NOS1: variants seen among roughly 807,000 people sequenced by gnomAD.
NOS1 encodes NOS type I.
A neutral mutation model predicts 164.5 loss-of-function variants in NOS1; 51 were observed. The ratio of observed to expected loss-of-function variants is 0.31; its 90% CI spans 0.25 to 0.39. The LOEUF is 0.39. Ranked by LOEUF, NOS1 falls within the 10% of genes least tolerant of loss-of-function variation. The probability of loss-of-function intolerance (pLI) is 1.00; values close to 1 mark genes in which losing one functional copy is unlikely to be tolerated. For synonymous variants in NOS1, 719 were observed against 745.8 expected, an observed-to-expected ratio of 0.96 and a Z score of 0.59; for missense variants, 1,362 against 1,885.6, an observed-to-expected ratio of 0.72 and a Z score of 5.14.
At position 117,304,125 on chromosome 12, in the gene NOS1, T is replaced by A. The variant is rs143425127; in HGVS notation, c.852+7341A>T. ...AGGTGGAGCTTGCAGTGAGCCGAGA[T>A]CAGGCCACTGCACTCCAGCCTGGGC... is the stretch of plus-strand genomic sequence containing the variant. On this transcript the variant is annotated intron_variant, in intron 3 of 28. Transcript: ENST00000317775. Among the ~76,000 whole-genome samples, 66 of 151,812 alleles carry A rather than the reference T, an allele frequency of 4.3e-4. 1 individual carries two copies. In the East Asian group the frequency reaches 0.011, roughly 25 times the overall value.
chr12:117,322,441 T>C, intron 2 of NOS1, among the ~76,000 whole-genome samples: 1 of 125,746 alleles, frequency 8.0e-6, no homozygotes, highest in Admixed American at 7.9e-5. Context: ...TCACTCCTGC[T>C]TTCCCTCCAT....
chr12:117,326,045 T>C (rs1371349559), intron 2 of NOS1, among the ~76,000 whole-genome samples: 3 of 152,138 alleles, frequency 2.0e-5, no homozygotes, highest in Non-Finnish European at 4.4e-5. Flanking sequence ...CTGCTATCCA[T>C]GAATTAGCAT....
At chr12:117,310,961 G>A (rs1566070993) in intron 3 of NOS1, among the ~76,000 whole-genome samples, 1 of 152,062 alleles carries the variant, frequency 6.6e-6, no homozygotes, top group Non-Finnish European at 1.5e-5. Flanking sequence ...CGCCTCCCAG[G>A]TTCACACCAT....
chr12:117,310,994 T>C (rs528534836), intron 3 of NOS1, among the ~76,000 whole-genome samples: 1 of 152,134 alleles, frequency 6.6e-6, no homozygotes, highest in Non-Finnish European at 1.5e-5. Flanking sequence ...GCCTCCTGAG[T>C]AGCTGGGACT....
intron 24 of NOS1, among the ~76,000 whole-genome samples, chr12:117,225,783 C>A (rs1868619022): frequency 6.6e-6 from 1 of 152,128 alleles, no homozygotes; most frequent in Admixed American, 6.5e-5. Context: ...CCGCCACCAC[C>A]CTCGGCTACT....
intron 2 of NOS1, among the ~76,000 whole-genome samples, chr12:117,326,597 G>A (rs891939831): frequency 3.3e-5 from 5 of 152,068 alleles, no homozygotes; most frequent in Non-Finnish European, 5.9e-5. Flanking sequence ...TTTTTTGGCC[G>A]CTTTCGGGCA....
intron 2 of NOS1, among the ~76,000 whole-genome samples, chr12:117,323,939 G>A (rs1323946399): frequency 6.6e-6 from 1 of 151,712 alleles, no homozygotes; most frequent in Non-Finnish European, 1.5e-5. Flanking sequence ...GCACCACCAC[G>A]TCTGGCTAAT....
chr12:117,340,012 T>A, intron 1 of NOS1, among the ~76,000 whole-genome samples: 1 of 152,326 alleles, frequency 6.6e-6, no homozygotes, highest in East Asian at 1.9e-4. Context: ...ATTCTTTATT[T>A]ATTTATTTTT....
At chr12:117,227,857 T>G (rs1485949416) in intron 22 of NOS1, among the ~76,000 whole-genome samples, 1 of 152,010 alleles carries the variant, frequency 6.6e-6, no homozygotes, top group Non-Finnish European at 1.5e-5. Context: ...TAAGACCCTG[T>G]CTCTACAAAA....
chr12:117,252,031 C>T (rs1289550891), intron 17 of NOS1, among the ~76,000 whole-genome samples: 7 of 152,170 alleles, frequency 4.6e-5, no homozygotes, highest in Non-Finnish European at 7.3e-5. Context: ...CTGTGCCCGG[C>T]GTTGGCAAAC....
rs200168308 is a variant in NOS1 at position 117,227,507 on chromosome 12, A to G, written c.3540T>C (p.Tyr1180=). Residue 1180 remains tyrosine, a synonymous_variant, in exon 23 of 29, where the codon TAT becomes TAC. Transcript: ENST00000317775. The part of the protein sequence containing the change: ...TQLSLLQPRY[Y]SISSSPDMYP... Reference sequence around the variant, plus strand: ...ACATGTCTGGGGAGGAGCTGATGGAATAGTAGCGGGGCTGCAGCAGGGACA... The same window carrying G: ...ACATGTCTGGGGAGGAGCTGATGGAGTAGTAGCGGGGCTGCAGCAGGGACA... The G allele has an allele frequency of 6.2e-7, 1 of 1,613,192 alleles. No individual in the cohort carries two copies. Among genetic ancestry groups the G allele is most frequent in the Non-Finnish European group, 8.5e-7 (1 of 1,179,552 alleles).
intron 9 of NOS1, among the ~76,000 whole-genome samples, chr12:117,276,612 T>C (rs1160820087): frequency 1.3e-5 from 2 of 149,158 alleles, no homozygotes; most frequent in Non-Finnish European, 3.0e-5. Flanking sequence ...ACCGCCCCCA[T>C]CTTCCCCTCA....
In NOS1 at chr12:117,253,670, G is replaced by A. The variant is rs910252162; in HGVS notation, c.2616C>T (p.Asn872=). 6.2e-7 allele frequency: 1 copy of A among 1,613,876 alleles called. No homozygotes were observed. Among genetic ancestry groups the A allele is most frequent in the Non-Finnish European group, 8.5e-7 (1 of 1,179,994 alleles). The part of the protein sequence containing the change: ...SSGDGPDLRD[N]FESAGPLANV... The stretch of plus-strand genomic sequence containing the variant: ...TGGCCAGGGGTCCAGCACTCTCAAA[G>A]TTGTCTCTGAGGTCGGGCCCATCGC... Residue 872 remains asparagine (N), a synonymous_variant, in exon 17 of 29, where the codon AAC becomes AAT. Transcript: ENST00000317775.
chr12:117,218,004 A>T, intron 28 of NOS1, 42 bp downstream of exon 28: 1 of 1,399,540 alleles, frequency 7.1e-7, no homozygotes, highest in Non-Finnish European at 1.0e-6. Context: ...CCTAGAAGAG[A>T]GGGCTCTTCC....
At chr12:117,302,189 G>A in intron 3 of NOS1, 1 of 418,976 alleles carries the variant, frequency 2.4e-6, no homozygotes, top group East Asian at 7.1e-5. Context: ...ATTAGGTCCT[G>A]TTGTTATGGT....
At chr12:117,280,704 A>T (rs767145418) in intron 8 of NOS1, 21 bp downstream of exon 8, 1 of 1,608,028 alleles carries the variant, frequency 6.2e-7, no homozygotes, top group Non-Finnish European at 8.5e-7. Context: ...GGGGCAGGGT[A>T]GGGGGCGGAA....
At chr12:117,227,689 TA>T in intron 22 of NOS1, 48 bp from the exon 23 acceptor site, 7 of 1,589,762 alleles carry the variant, frequency 4.4e-6, no homozygotes, top group Non-Finnish European at 6.0e-6. Context: ...AGCTGCCACA[TA>T]CTTCCCATGA....
Position 117,212,610 on chromosome 12 carries a change from G to C in NOS1, c.*2699C>G. ...AACTCACTTTTGTGAAATGGGGCTGGAGCTGCTACTGGTCAATTCAGGGGG... is the reference window on the plus strand; with the variant it reads ...AACTCACTTTTGTGAAATGGGGCTGCAGCTGCTACTGGTCAATTCAGGGGG... On this transcript the variant is annotated 3_prime_UTR_variant, in exon 29 of 29. Transcript: ENST00000317775. 1 of 985,454 alleles carries C rather than the reference G, an allele frequency of 1.0e-6. No individual in the cohort carries two copies. Among genetic ancestry groups the C allele is most frequent in the Non-Finnish European group, 1.2e-6 (1 of 829,942 alleles). 61.0% of individuals were successfully genotyped at this position (985,454 alleles called of 1,614,324 possible). A position where few individuals can be genotyped will look rare whatever the true frequency, so the allele number is the denominator to read the frequency against.
At position 117,212,160 on chromosome 12, in the gene NOS1, G is replaced by C. The variant is rs1241258681; in HGVS notation, c.*3149C>G. ...TGCCTTCCACACACTGGAGAAGCAA[G>C]ACATGTTATAAGTTAAGTGAAAAAT... On this transcript the variant is annotated 3_prime_UTR_variant, in exon 29 of 29. Transcript: ENST00000317775. 3 of 985,244 alleles carry C rather than the reference G, an allele frequency of 3.0e-6. No individual in the cohort carries two copies. Among genetic ancestry groups the C allele is most frequent in the Non-Finnish European group, 3.6e-6 (3 of 829,894 alleles). The allele number at this position is 985,244 out of a possible 1,614,324, so 61.0% of individuals were successfully genotyped here.
Sources: allele counts gnomAD v4.1 joint callset (sites outside exome capture counted in the v4.1 genomes callset), GRCh38; gene constraint gnomAD v4.1.1; transcripts MANE v1.5; gene names NCBI Gene and HGNC (gene_info 2026-07-23, HGNC 2026-07-21).